The following PLCB4 variants were observed in gnomAD, a reference collection of about 807,000 sequenced individuals.
PLCB4 encodes phospholipase C beta 4.
Under a neutral mutation model 178.8 loss-of-function variants are expected in PLCB4, and 77 were observed. The observed-to-expected ratio is 0.43, with a 90% CI of 0.36 to 0.52. PLCB4 has a LOEUF of 0.52. Ranked by LOEUF, PLCB4 falls within the 20% of genes least tolerant of loss-of-function variation. The pLI, the probability that PLCB4 is intolerant of heterozygous loss-of-function variation, is 0.00. For synonymous variants in PLCB4, 496 were observed against 490.8 expected (o/e 1.01, Z -0.14); for missense variants, 1,024 against 1,453.4 (o/e 0.70, Z 4.80).
At chr20:9,254,627 G>T (rs890120584) in intron 3 of PLCB4, among the ~76,000 whole-genome samples, 11 of 152,188 alleles carry the variant, frequency 7.2e-5, no homozygotes, top group South Asian at 4.1e-4. Flanking sequence ...GAATCTGGGA[G>T]TTGGAGGTTG....
At chr20:9,478,625 G>A (rs937458507) in intron 39 of PLCB4, among the ~76,000 whole-genome samples, 4 of 152,168 alleles carry the variant, frequency 2.6e-5, no homozygotes, top group African/African-American at 9.7e-5. Context: ...CTCTTCTCAA[G>A]TGGTTCTCCT....
chr20:9,170,670 A>G (rs538321121), intron 2 of PLCB4, among the ~76,000 whole-genome samples: 13 of 152,336 alleles, frequency 8.5e-5, no homozygotes, highest in African/African-American at 3.1e-4. Context: ...TGTAATAATG[A>G]TAATTCATGA....
chr20:9,098,606 T>C (rs2091009628), intron 2 of PLCB4, among the ~76,000 whole-genome samples: 1 of 151,194 alleles, frequency 6.6e-6, no homozygotes, highest in Non-Finnish European at 1.5e-5. Context: ...GGATGTCTCA[T>C]GTGTTAAATA....
intron 2 of PLCB4, among the ~76,000 whole-genome samples, chr20:9,185,561 G>A (rs1454458451): frequency 2.0e-5 from 3 of 152,092 alleles, no homozygotes; most frequent in Non-Finnish European, 2.9e-5. Flanking sequence ...CCTCTCCGTA[G>A]CCTGTTCTGC....
chr20:9,138,289 T>C (rs1426163313), intron 2 of PLCB4, among the ~76,000 whole-genome samples: 1 of 152,100 alleles, frequency 6.6e-6, no homozygotes, highest in Non-Finnish European at 1.5e-5. Context: ...TGATTCTTAA[T>C]ATGCATCATC....
At chr20:9,229,087 G>C (rs1402927529) in intron 3 of PLCB4, among the ~76,000 whole-genome samples, 2 of 152,180 alleles carry the variant, frequency 1.3e-5, no homozygotes, top group African/African-American at 4.8e-5. Flanking sequence ...GACATTGTGA[G>C]AGTTTAATAA....
At chr20:9,386,933 C>G (rs1312133383) in intron 14 of PLCB4, among the ~76,000 whole-genome samples, 1 of 150,598 alleles carries the variant, frequency 6.6e-6, no homozygotes, top group Admixed American at 6.6e-5. Flanking sequence ...TACTTTGTTG[C>G]CCAGGCTGGA....
intron 34 of PLCB4, among the ~76,000 whole-genome samples, chr20:9,457,901 T>A (rs886071130): frequency 5.3e-5 from 8 of 152,002 alleles, no homozygotes; most frequent in African/African-American, 1.9e-4. Context: ...ACATGGAAAT[T>A]TGGAATGAGA....
At chr20:9,477,105 A>G (rs2044598023) in intron 39 of PLCB4, among the ~76,000 whole-genome samples, 1 of 152,174 alleles carries the variant, frequency 6.6e-6, no homozygotes, top group African/African-American at 2.4e-5. Flanking sequence ...AAATGTTAAT[A>G]TGACTCCAAT....
At chr20:9,181,869 T>A (rs1325639394) in intron 2 of PLCB4, among the ~76,000 whole-genome samples, 2 of 152,042 alleles carry the variant, frequency 1.3e-5, no homozygotes, top group African/African-American at 4.8e-5. Context: ...CTTCTTAGAA[T>A]AACACCAATA....
chr20:9,453,193 A>G (rs2042870899), intron 32 of PLCB4, among the ~76,000 whole-genome samples, 154 bp from the exon 33 acceptor site: 1 of 152,164 alleles, frequency 6.6e-6, no homozygotes, highest in Admixed American at 6.5e-5. Flanking sequence ...CCGGTGTTGA[A>G]TGGGAGATCT....
At position 9,365,644 on chromosome 20, in the gene PLCB4, T is replaced by A. The variant is rs148574006; in HGVS notation, c.503+130T>A. On this transcript the variant is annotated intron_variant, in intron 9 of 39. Coordinates refer to ENST00000378473, the MANE Select transcript of PLCB4 (RefSeq NM_001377142.1). ...GATATTTCTGGAATCTTAGTTTCAATTGCTTTGACAAATGCTATATTCAGT... is the reference window on the plus strand; with the variant it reads ...GATATTTCTGGAATCTTAGTTTCAAATGCTTTGACAAATGCTATATTCAGT... The A allele has an allele frequency of 4.2e-4, 221 of 525,582 alleles. 1 individual carries two copies. The highest frequency in any genetic ancestry group is 3.5e-3 in the African/African-American group (179 of 51,450). 32.6% of individuals were successfully genotyped at this position (525,582 alleles called of 1,614,324 possible). A position where few individuals can be genotyped will look rare whatever the true frequency, so the allele number is the denominator to read the frequency against.
intron 28 of PLCB4, among the ~76,000 whole-genome samples, chr20:9,427,737 C>T (rs1228280099): frequency 2.0e-5 from 3 of 152,138 alleles, no homozygotes; most frequent in Non-Finnish European, 2.9e-5. Context: ...CCCACTGTTG[C>T]TTTGGGTGGG....
At chr20:9,390,980 A>G (rs1299788265) in intron 17 of PLCB4, among the ~76,000 whole-genome samples, 1 of 152,140 alleles carries the variant, frequency 6.6e-6, no homozygotes, top group East Asian at 1.9e-4. Flanking sequence ...GACTGATTTA[A>G]TTGATGCAGG....
At chr20:9,436,026 G>A (rs2041746128) in intron 29 of PLCB4, among the ~76,000 whole-genome samples, 1 of 152,226 alleles carries the variant, frequency 6.6e-6, no homozygotes, top group South Asian at 2.1e-4. Context: ...ACATTGGATA[G>A]TCATACCTTT....
chr20:9,169,435 A>T (rs982790234), intron 2 of PLCB4, among the ~76,000 whole-genome samples: 1 of 151,420 alleles, frequency 6.6e-6, no homozygotes, highest in African/African-American at 2.4e-5. Flanking sequence ...AAAAAAAAAA[A>T]AAAAATTAGC....
intron 3 of PLCB4, among the ~76,000 whole-genome samples, chr20:9,295,119 T>C: frequency 6.6e-6 from 1 of 152,160 alleles, no homozygotes; most frequent in African/African-American, 2.4e-5. Flanking sequence ...GAGACCAGTA[T>C]GGAATCTGTG....
intron 3 of PLCB4, among the ~76,000 whole-genome samples, chr20:9,223,368 A>G (rs377037079): frequency 1.1e-4 from 16 of 152,322 alleles, no homozygotes; most frequent in African/African-American, 3.6e-4. Flanking sequence ...TTGTTGTGTA[A>G]GAAGTCACTT....
At chr20:9,208,863 G>A (rs1158823928) in intron 2 of PLCB4, among the ~76,000 whole-genome samples, 1 of 152,190 alleles carries the variant, frequency 6.6e-6, no homozygotes, top group East Asian at 1.9e-4. Context: ...AAATATTAGT[G>A]TGGTTATGTA....
Sources: gnomAD v4.1 joint callset for allele counts (sites outside exome capture counted in the v4.1 genomes callset) on GRCh38, gnomAD v4.1.1 for gene constraint, MANE v1.5 for transcripts, NCBI Gene and HGNC (gene_info 2026-07-23, HGNC 2026-07-21) for gene names.